Variants in SMG9 observed in about 807,000 individuals in gnomAD.
SMG9 encodes the protein nonsense-mediated mRNA decay factor SMG9.
Under a neutral mutation model 64.0 loss-of-function variants are expected in SMG9, and 55 were observed. The observed-to-expected ratio is 0.86, with a 90% confidence interval of 0.69 to 1.08. The LOEUF (loss-of-function observed/expected upper bound fraction) is 1.08, where lower values mean the gene tolerates loss of function less well. SMG9 is among the 50% of genes least tolerant of loss of function. The pLI, the probability that SMG9 is intolerant of heterozygous loss-of-function variation, is 0.00. For missense variants in SMG9, 554 were observed against 681.3 expected, an observed-to-expected ratio of 0.81 and a Z score of 2.08; for synonymous variants, 244 against 254.8, an observed-to-expected ratio of 0.96 and a Z score of 0.41.
intron 2 of SMG9, chr19:43,748,837 C>T (rs1969107528): frequency 5.8e-6 from 3 of 513,996 alleles, no homozygotes; most frequent in Middle Eastern, 3.2e-4. Context: ...CACTGGCTTA[C>T]GGTGAAGAAC....
At position 43,748,004 on chromosome 19, in the gene SMG9, T is replaced by C. The variant is rs1407224012; in HGVS notation, c.199A>G (p.Ile67Val). 1.2e-6 allele frequency: 2 copies of C among 1,613,704 alleles called. No individual in the cohort carries two copies. Among genetic ancestry groups the C allele is most frequent in the Non-Finnish European group, 1.7e-6 (2 of 1,179,886 alleles). The change falls in exon 3 of 14, where the codon ATC (isoleucine) becomes GTC (valine). Residue 67 changes from isoleucine (I) to valine (V), a missense_variant. Ile to Val is a conservative substitution (Grantham distance 29). Coordinates refer to ENST00000270066, the MANE Select transcript of SMG9 (RefSeq NM_019108.4). ...STSVMQKTPI[I>V]LSKPPAERSK... Reference sequence around the variant, plus strand: ...CGCTCTGCTGGAGGTTTTGAGAGGATGATGGGGGTTTTCTGCATGACGGAA... The same window carrying C: ...CGCTCTGCTGGAGGTTTTGAGAGGACGATGGGGGTTTTCTGCATGACGGAA...
intron 1 of SMG9, among the ~76,000 whole-genome samples, chr19:43,751,603 TGTGA>T (rs1164209416): frequency 6.6e-6 from 1 of 152,252 alleles, no homozygotes; most frequent in East Asian, 1.9e-4. Flanking sequence ...GGTGTGGCCA[TGTGA>T]GTAAGTACTT....
At chr19:43,743,461 C>T (rs1968903661) in intron 6 of SMG9, among the ~76,000 whole-genome samples, 1 of 152,134 alleles carries the variant, frequency 6.6e-6, no homozygotes, top group East Asian at 1.9e-4. Flanking sequence ...AAACTAGGGA[C>T]CTTTTCCCTA....
At chr19:43,739,312 A>G (rs1201002747) in intron 7 of SMG9, among the ~76,000 whole-genome samples, 1 of 152,220 alleles carries the variant, frequency 6.6e-6, no homozygotes, top group Non-Finnish European at 1.5e-5. Context: ...TTAGGACTTT[A>G]CTTGCATCGA....
Position 43,747,525 on chromosome 19 carries a change from C to T in SMG9, c.505G>A (p.Ala169Thr). Reference sequence around the variant, plus strand: ...ATGCGCTCTGGGGGCAGTAGTTTGGCCTGACCCACGACAGCTGGAGATTGG... The same window carrying T: ...ATGCGCTCTGGGGGCAGTAGTTTGGTCTGACCCACGACAGCTGGAGATTGG... ...PAAMDPVVGQ[A>T]KLLPPERMKH... Residue 169 changes from alanine (A) to threonine (T), a missense_variant, in exon 5 of 14, where the codon GCC becomes ACC. Coordinates refer to ENST00000270066, the MANE Select transcript of SMG9 (RefSeq NM_019108.4). 1 of 1,614,154 alleles carries T rather than the reference C, an allele frequency of 6.2e-7. No individual in the cohort carries two copies. The highest frequency in any genetic ancestry group is 1.1e-5 in the South Asian group (1 of 91,088).
chr19:43,744,893 A>G lies in SMG9; in HGVS notation c.589-9T>C. The stretch of plus-strand genomic sequence containing the variant: ...GTCTGATCCAACAGGTACTGTGGGA[A>G]AATACATAAATGACTCTGACAAGTC... On this transcript the variant is annotated splice_polypyrimidine_tract_variant and intron_variant, in intron 5 of 13. Coordinates refer to ENST00000270066, the MANE Select transcript of SMG9 (RefSeq NM_019108.4). 1 of 1,602,078 alleles carries G rather than the reference A, an allele frequency of 6.2e-7. No individual in the cohort carries two copies. The highest frequency in any genetic ancestry group is 1.1e-5 in the South Asian group (1 of 90,678).
At chr19:43,737,125 T>C (rs1255471178) in intron 9 of SMG9, among the ~76,000 whole-genome samples, 2 of 152,062 alleles carry the variant, frequency 1.3e-5, no homozygotes, top group Admixed American at 6.6e-5. Context: ...ATGCAAAAAT[T>C]AGCTGGGCAT....
In SMG9 at chr19:43,750,735, C is replaced by T; in HGVS notation, c.7G>A (p.Glu3Lys). MS[E>K]SGHSQPGLYG... is the part of the protein sequence containing the mutation. ...AGTCCAGGCTGACTGTGTCCAGACT[C>T]AGACATGGTTACCTATGGAGGGAAT... Residue 3 changes from glutamate (E) to lysine (K), a missense_variant, in exon 2 of 14, where the codon GAG (glutamate) becomes AAG (lysine). Transcript: ENST00000270066. The T allele has an allele frequency of 6.2e-7, 1 of 1,611,104 alleles. No homozygotes were observed. The highest frequency in any genetic ancestry group is 2.2e-5 in the East Asian group (1 of 44,842).
At chr19:43,750,545 G>A (rs373458035) in intron 2 of SMG9, 47 bp downstream of exon 2, 6 of 1,564,894 alleles carry the variant, frequency 3.8e-6, no homozygotes, top group Middle Eastern at 1.7e-4. Flanking sequence ...GCAGGTGCGT[G>A]GAACCAAATA....
At chr19:43,754,195 T>C (rs1163833462) in intron 1 of SMG9, among the ~76,000 whole-genome samples, 2 of 152,138 alleles carry the variant, frequency 1.3e-5, no homozygotes, top group Non-Finnish European at 2.9e-5. Context: ...GATTCCTGAG[T>C]ATGTAAGCCC....
At chr19:43,733,191 C>T (rs1600189621) in intron 12 of SMG9, 133 bp downstream of exon 12, 1 of 1,391,564 alleles carries the variant, frequency 7.2e-7, no homozygotes. Flanking sequence ...AGGATCTTCT[C>T]TCAGACCAGG....
chr19:43,748,199 A>G, intron 2 of SMG9, 147 bp from the exon 3 acceptor site: 1 of 1,006,332 alleles, frequency 9.9e-7, no homozygotes, highest in Non-Finnish European at 1.4e-6. Flanking sequence ...TATTACCCCC[A>G]CTTTACAGAT....
In SMG9 at chr19:43,743,126, A is replaced by G. The variant is rs74452028; in HGVS notation, c.701+1646T>C. 2.8e-4 allele frequency among the ~76,000 whole-genome samples: 42 copies of G among 152,152 alleles called. 1 individual carries two copies. The East Asian group carries it at 8.1e-3, about 29-fold the overall frequency. On this transcript the variant is annotated intron_variant, in intron 6 of 13. Transcript: ENST00000270066. Reference sequence around the variant, plus strand: ...GAGGCAAAACCTAGACCTGATGAAAAGAGTTGATACTGAAGTCTACCACAC... The same window carrying G: ...GAGGCAAAACCTAGACCTGATGAAAGGAGTTGATACTGAAGTCTACCACAC...
At chr19:43,734,619 CA>C in intron 9 of SMG9, 124 bp from the exon 10 acceptor site, 2 of 596,978 alleles carry the variant, frequency 3.4e-6, no homozygotes, top group South Asian at 4.5e-5. Context: ...ATACCATATA[CA>C]CACCATGTTT....
At chr19:43,745,235 GTTGGAGAAGATAGGAC>G (rs769711407) in intron 5 of SMG9, among the ~76,000 whole-genome samples, 13 of 152,238 alleles carry the variant, frequency 8.5e-5, no homozygotes, top group South Asian at 4.1e-4. Context: ...AGAAGGGCAG[GTTGGAGAAGATAGGAC>G]TCGGCGACTG....
intron 13 of SMG9, 130 bp downstream of exon 13, chr19:43,732,728 G>C: frequency 9.0e-7 from 1 of 1,115,794 alleles, no homozygotes; most frequent in Non-Finnish European, 1.3e-6. Flanking sequence ...AATCATCACT[G>C]TTCCAGAAAA....
At chr19:43,747,600 T>G (rs765156726) in intron 4 of SMG9, 33 bp downstream of exon 4, 2 of 1,613,986 alleles carry the variant, frequency 1.2e-6, no homozygotes, top group Non-Finnish European at 1.7e-6. Context: ...GAGACGCCAG[T>G]TCCCAACCTG....
intron 1 of SMG9, among the ~76,000 whole-genome samples, chr19:43,753,130 C>G (rs1021837145): frequency 6.6e-6 from 1 of 152,064 alleles, no homozygotes; most frequent in African/African-American, 2.4e-5. Flanking sequence ...TACTGTGCTA[C>G]ATGACCTCTC....
At chr19:43,748,698 G>C (rs1424921300) in intron 2 of SMG9, 3 of 520,136 alleles carry the variant, frequency 5.8e-6, no homozygotes, top group Non-Finnish European at 1.2e-5. Flanking sequence ...TGCTGAAGAG[G>C]GGAGAAATCT....
Sources: gnomAD v4.1 joint callset for allele counts (sites outside exome capture counted in the v4.1 genomes callset) on GRCh38, gnomAD v4.1.1 for gene constraint, MANE v1.5 for transcripts, NCBI Gene and HGNC (gene_info 2026-07-23, HGNC 2026-07-21) for gene names.